Variants in MACROD2 observed in about 807,000 individuals in gnomAD.
MACROD2 encodes the protein ADP-ribose glycohydrolase MACROD2.
Under a neutral mutation model 70.4 loss-of-function variants are expected in MACROD2, and 36 were observed. The observed-to-expected ratio is 0.51, with a 90% confidence interval of 0.39 to 0.68. MACROD2 has a LOEUF of 0.68. Among genes scored for constraint, MACROD2 ranks in the 30% least tolerant of loss-of-function variants. The pLI is 0.00. For synonymous variants in MACROD2, 172 were observed against 178.8 expected (o/e 0.96, Z 0.30); for missense variants, 496 against 538.4 (o/e 0.92, Z 0.78).
intron 5 of MACROD2, among the ~76,000 whole-genome samples, chr20:14,859,772 C>G (rs1466609510): frequency 6.6e-6 from 1 of 152,130 alleles, no homozygotes; most frequent in Non-Finnish European, 1.5e-5. Context: ...CTGTAAATAT[C>G]ATTTATGAGA....
chr20:15,039,789 G>A (rs552487658), intron 5 of MACROD2, among the ~76,000 whole-genome samples: 39 of 152,266 alleles, frequency 2.6e-4, no homozygotes, highest in African/African-American at 8.7e-4. Context: ...TATAGCTGGC[G>A]TCCTACACCA....
rs191031378 is a variant in MACROD2, at chr20:15,088,235, G to A, written c.419-141705G>A. Among the ~76,000 whole-genome samples the A allele has an allele frequency of 2.0e-3, 309 of 151,522 alleles. 2 individuals carry two copies. Among genetic ancestry groups the A allele is most frequent in the Middle Eastern group, 6.9e-3 (2 of 290 alleles). On this transcript the variant is annotated intron_variant, in intron 5 of 17. Transcript: ENST00000684519. ...TGCCTCTTTTGGCATCATATATAAT[G>A]GCAATAACCTGGAAACAATCTGAGT... is the stretch of plus-strand genomic sequence containing the variant.
At chr20:14,666,563 A>G (rs2070738955) in intron 4 of MACROD2, among the ~76,000 whole-genome samples, 12 of 152,068 alleles carry the variant, frequency 7.9e-5, no homozygotes. Context: ...AAACTTAAGA[A>G]CATTTAAATA....
intron 15 of MACROD2, among the ~76,000 whole-genome samples, chr20:16,023,363 T>G (rs2067030169): frequency 1.3e-5 from 2 of 149,782 alleles, no homozygotes; most frequent in Non-Finnish European, 3.0e-5. Flanking sequence ...TAGTCCCAGC[T>G]ACTTGGGAGG....
At chr20:15,901,269 A>G (rs1266298574) in intron 10 of MACROD2, among the ~76,000 whole-genome samples, 4 of 151,942 alleles carry the variant, frequency 2.6e-5, no homozygotes, top group Admixed American at 2.6e-4. Context: ...TATTCCCCTT[A>G]TCTTCAAGTC....
chr20:14,120,095 C>G (rs1406831501), intron 3 of MACROD2, among the ~76,000 whole-genome samples: 2 of 151,316 alleles, frequency 1.3e-5, no homozygotes, highest in African/African-American at 4.9e-5. Context: ...CACCTGTAAT[C>G]CTAGCTACTC....
chr20:15,632,044 C>T (rs954326064), intron 8 of MACROD2, among the ~76,000 whole-genome samples: 2 of 151,932 alleles, frequency 1.3e-5, no homozygotes, highest in African/African-American at 4.8e-5. Context: ...GAGGCCGAGG[C>T]AGGAGAATCA....
At chr20:15,884,651 C>G (rs766589931) in intron 9 of MACROD2, among the ~76,000 whole-genome samples, 1 of 152,000 alleles carries the variant, frequency 6.6e-6, no homozygotes, top group African/African-American at 2.4e-5. Context: ...GCAAATGGCA[C>G]TGGGAGTCTG....
rs563726843 is a variant in MACROD2 at position 14,330,563 on chromosome 20, T to C, written c.272-162916T>C. Among the ~76,000 whole-genome samples, 29 of 152,204 alleles carry C rather than the reference T, an allele frequency of 1.9e-4. No individual in the cohort carries two copies. The South Asian group carries it at 5.6e-3, about 29-fold the overall frequency. On this transcript the variant is annotated intron_variant, in intron 3 of 17. Transcript: ENST00000684519. ...AAAAATTCAGTTTCTTTTAGTTTGC[T>C]AACTACATACCAACATGGTCATAGG...
intron 5 of MACROD2, among the ~76,000 whole-genome samples, chr20:14,770,470 A>G (rs1320238597): frequency 6.6e-6 from 1 of 152,066 alleles, no homozygotes; most frequent in African/African-American, 2.4e-5. Flanking sequence ...TTTGTTCTAT[A>G]TGTTTATACT....
At chr20:14,230,891 A>T (rs1487057958) in intron 3 of MACROD2, among the ~76,000 whole-genome samples, 2 of 151,084 alleles carry the variant, frequency 1.3e-5, no homozygotes, top group African/African-American at 4.9e-5. Flanking sequence ...TACTGAAGGG[A>T]TGTTGTGTTA....
chr20:15,004,421 T>G (rs2075019823), intron 5 of MACROD2, among the ~76,000 whole-genome samples: 1 of 152,224 alleles, frequency 6.6e-6, no homozygotes, highest in Non-Finnish European at 1.5e-5. Flanking sequence ...GCTGTTGTTA[T>G]TAACCAATAG....
chr20:14,134,049 CT>C (rs1392147813), intron 3 of MACROD2, among the ~76,000 whole-genome samples: 3 of 152,234 alleles, frequency 2.0e-5, no homozygotes, highest in Non-Finnish European at 2.9e-5. Context: ...GACAGTTTAA[CT>C]TTTTCCTCTG....
intron 3 of MACROD2, among the ~76,000 whole-genome samples, chr20:14,283,238 T>C (rs894390667): frequency 6.6e-6 from 1 of 152,246 alleles, no homozygotes; most frequent in Non-Finnish European, 1.5e-5. Flanking sequence ...GTTTGAATTA[T>C]TTAAAATTTA....
chr20:15,678,397 TAG>T (rs2050103682), intron 8 of MACROD2, among the ~76,000 whole-genome samples: 2 of 151,548 alleles, frequency 1.3e-5, no homozygotes, highest in South Asian at 2.1e-4. Flanking sequence ...TCTCGCTCTG[TAG>T]CCCAGGCTGG....
chr20:14,012,903 G>T (rs77093325), intron 2 of MACROD2, among the ~76,000 whole-genome samples: 2,582 of 152,238 alleles, frequency 0.017, 33 homozygotes, highest in Non-Finnish European at 0.029. Context: ...ATGTACTGTG[G>T]TTAATTTTGT....
intron 5 of MACROD2, among the ~76,000 whole-genome samples, chr20:14,713,086 A>C (rs2071356958): frequency 6.6e-6 from 1 of 152,160 alleles, no homozygotes; most frequent in Non-Finnish European, 1.5e-5. Flanking sequence ...AGTAAAGGAC[A>C]GATTAAAAGA....
chr20:15,805,827 T>G (rs981259307), intron 8 of MACROD2, among the ~76,000 whole-genome samples: 1 of 152,176 alleles, frequency 6.6e-6, no homozygotes, highest in African/African-American at 2.4e-5. Context: ...TGAGGATTGA[T>G]GTTGACTGAG....
At chr20:14,147,036 A>G (rs2054951861) in intron 3 of MACROD2, among the ~76,000 whole-genome samples, 2 of 152,160 alleles carry the variant, frequency 1.3e-5, no homozygotes, top group Non-Finnish European at 2.9e-5. Context: ...TTCCTGTAGT[A>G]TGGTGAGTGG....
Sources: allele counts gnomAD v4.1 joint callset (sites outside exome capture counted in the v4.1 genomes callset), GRCh38; gene constraint gnomAD v4.1.1; transcripts MANE v1.5; gene names NCBI Gene and HGNC (gene_info 2026-07-23, HGNC 2026-07-21).